Variants in TRPM3 observed in about 807,000 individuals in gnomAD.
TRPM3 encodes the protein long transient receptor potential channel 3.
Under a neutral mutation model 181.2 loss-of-function variants are expected in TRPM3, and 77 were observed. The observed-to-expected ratio is 0.42, with a 90% CI of 0.35 to 0.51. The LOEUF is 0.51. Among genes scored for constraint, TRPM3 ranks in the 20% least tolerant of loss-of-function variants. The pLI is 0.01. For synonymous variants in TRPM3, 745 were observed against 796.4 expected, an observed-to-expected ratio of 0.94 and a Z score of 1.09; for missense variants, 1,759 against 2,196.7, an observed-to-expected ratio of 0.80 and a Z score of 3.98.
At chr9:71,388,117 T>C (rs561943914) in intron 1 of TRPM3, among the ~76,000 whole-genome samples, 211 of 152,236 alleles carry the variant, frequency 1.4e-3, no homozygotes, top group African/African-American at 4.9e-3. Flanking sequence ...GCAGCATCCA[T>C]CTTACATAGT....
At chr9:70,622,745 A>G (rs934942413) in intron 14 of TRPM3, among the ~76,000 whole-genome samples, 8 of 152,232 alleles carry the variant, frequency 5.3e-5, no homozygotes, top group African/African-American at 1.9e-4. Flanking sequence ...GTTGGGCACC[A>G]TCTTGAAAGT....
At chr9:70,849,213 C>T (rs7028680) in intron 3 of TRPM3, among the ~76,000 whole-genome samples, 55,661 of 151,944 alleles carry the variant, frequency 0.37, 10,593 homozygotes, top group Non-Finnish European at 0.38. Context: ...GGCATGATCT[C>T]GGCTTACTGC....
At chr9:70,637,256 G>T (rs1159064457) in intron 11 of TRPM3, among the ~76,000 whole-genome samples, 13 of 152,100 alleles carry the variant, frequency 8.5e-5, no homozygotes, top group Admixed American at 5.2e-4. Context: ...TTATCTGATG[G>T]GGTTGTTGTG....
chr9:71,044,996 C>T (rs546572930), intron 1 of TRPM3, among the ~76,000 whole-genome samples: 2 of 152,166 alleles, frequency 1.3e-5, no homozygotes, highest in South Asian at 2.1e-4. Flanking sequence ...TGTTATTGCT[C>T]TCTGTTGTAT....
intron 1 of TRPM3, among the ~76,000 whole-genome samples, chr9:71,287,294 T>C (rs1199456345): frequency 2.0e-5 from 3 of 151,426 alleles, no homozygotes; most frequent in South Asian, 2.1e-4. Context: ...GAGGCAGAAA[T>C]AGAATAGTTC....
At chr9:71,406,219 T>C (rs1435276874) in intron 1 of TRPM3, among the ~76,000 whole-genome samples, 2 of 152,204 alleles carry the variant, frequency 1.3e-5, no homozygotes, top group Non-Finnish European at 2.9e-5. Context: ...ATGCCTATGC[T>C]AAAGTGCTTA....
chr9:70,950,148 T>C (rs2096982875), intron 1 of TRPM3, among the ~76,000 whole-genome samples: 1 of 152,226 alleles, frequency 6.6e-6, no homozygotes, highest in Non-Finnish European at 1.5e-5. Flanking sequence ...TTGCAATTTC[T>C]AGCAAAATCT....
rs570052412 is a variant in TRPM3, at chr9:70,971,914, A to T, written c.178-107403T>A. On this transcript the variant is annotated intron_variant, in intron 1 of 25. Transcript: ENST00000677713. ...ATACAACTTCACACCAACCAGGATG[A>T]CTGTAATGAAAAAGATAACACTAAC... 2.6e-5 allele frequency among the ~76,000 whole-genome samples: 4 copies of T among 152,284 alleles called. No individual in the cohort carries two copies. In the South Asian group the frequency reaches 8.3e-4, roughly 32 times the overall value.
At chr9:70,972,257 T>C (rs1438669045) in intron 1 of TRPM3, among the ~76,000 whole-genome samples, 1 of 152,206 alleles carries the variant, frequency 6.6e-6, no homozygotes, top group Non-Finnish European at 1.5e-5. Flanking sequence ...TTGTGATTCA[T>C]CCTGCAACAT....
chr9:70,535,420 G>A lies in TRPM3; in HGVS notation c.*533C>T, dbSNP rs2041496048. The stretch of plus-strand genomic sequence containing the variant: ...TGTGGGACGTTAGGTAGAACTGCTT[G>A]CTGCCGGCTTATACTGAATAAAGAG... On this transcript the variant is annotated 3_prime_UTR_variant, in exon 26 of 26. Transcript: ENST00000677713. 1 of 1,550,500 alleles carries A rather than the reference G, an allele frequency of 6.4e-7. No homozygotes were observed. Among genetic ancestry groups the A allele is most frequent in the East Asian group, 2.4e-5 (1 of 40,924 alleles).
At chr9:71,071,950 G>A (rs1200225964) in intron 1 of TRPM3, among the ~76,000 whole-genome samples, 1 of 152,234 alleles carries the variant, frequency 6.6e-6, no homozygotes, top group East Asian at 1.9e-4. Flanking sequence ...TTAGTGCCAG[G>A]AAAGTAAAAA....
At chr9:71,165,911 C>T (rs772537690) in intron 1 of TRPM3, among the ~76,000 whole-genome samples, 9 of 152,110 alleles carry the variant, frequency 5.9e-5, no homozygotes, top group African/African-American at 1.4e-4. Context: ...TCCACCCATT[C>T]GAAGATAGAG....
chr9:70,827,940 G>C lies in TRPM3; in HGVS notation c.880C>G (p.Leu294Val), dbSNP rs1254159634. Residue 294 changes from leucine to valine, a missense_variant, in exon 6 of 26, where the codon CTG (leucine) becomes GTG (valine). This residue lies in a region of TRPM3 where 737 missense variants were observed against 957.4 expected (regional missense o/e 0.77). Coordinates refer to ENST00000677713, the MANE Select transcript of TRPM3 (RefSeq NM_001366145.2). ...VLNSMHSHFI[L>V]ADNGTTGKYG... ...TTTCCAGTGGTCCCGTTGTCAGCCA[G>C]AATGAAGTGGGAATGCATGCTGTTG... 6.2e-7 allele frequency: 1 copy of C among 1,614,004 alleles called. No individual in the cohort carries two copies. The highest frequency in any genetic ancestry group is 8.5e-7 in the Non-Finnish European group (1 of 1,180,008).
At chr9:71,259,166 C>T (rs150711011) in intron 1 of TRPM3, among the ~76,000 whole-genome samples, 2,208 of 152,038 alleles carry the variant, frequency 0.015, 65 homozygotes, top group African/African-American at 0.051. Context: ...GTCCATGTGT[C>T]AGTTTGCTGA....
At chr9:70,989,713 A>G (rs2097458475) in intron 1 of TRPM3, among the ~76,000 whole-genome samples, 1 of 152,172 alleles carries the variant, frequency 6.6e-6, no homozygotes, top group Admixed American at 6.5e-5. Flanking sequence ...GAGTGTTTAG[A>G]TTAGGAACTT....
intron 7 of TRPM3, among the ~76,000 whole-genome samples, chr9:70,773,814 G>C (rs2080828900): frequency 6.6e-6 from 1 of 152,108 alleles, no homozygotes; most frequent in Non-Finnish European, 1.5e-5. Flanking sequence ...CGAAAAAATG[G>C]ACCATTTCCT....
chr9:70,699,760 C>G (rs1306047519), intron 8 of TRPM3, among the ~76,000 whole-genome samples: 1 of 152,042 alleles, frequency 6.6e-6, no homozygotes, highest in Non-Finnish European at 1.5e-5. Context: ...GAGGTGGGGC[C>G]CAGCTTCAGG....
chr9:70,871,146 G>T (rs1485595759), intron 1 of TRPM3, among the ~76,000 whole-genome samples: 1 of 151,894 alleles, frequency 6.6e-6, no homozygotes, highest in Admixed American at 6.6e-5. Flanking sequence ...TGGGGGAAAT[G>T]AGAAGGTGGG....
At chr9:70,797,299 G>A (rs1483093269) in intron 6 of TRPM3, among the ~76,000 whole-genome samples, 5 of 152,100 alleles carry the variant, frequency 3.3e-5, no homozygotes, top group African/African-American at 1.2e-4. Flanking sequence ...CAAATGCCCA[G>A]CGTCTGTGCT....
Sources: gnomAD v4.1 joint callset for allele counts (sites outside exome capture counted in the v4.1 genomes callset) on GRCh38, gnomAD v4.1.1 for gene constraint, gnomAD v4.1.1 regional missense constraint, MANE v1.5 for transcripts, NCBI Gene and HGNC (gene_info 2026-07-23, HGNC 2026-07-21) for gene names.